WWC1: variants seen among roughly 807,000 people sequenced by gnomAD.
The protein encoded by WWC1 is protein KIBRA.
A neutral mutation model predicts 138.4 loss-of-function variants in WWC1; 55 were observed. The observed-to-expected ratio is 0.40, with a 90% CI of 0.32 to 0.50. WWC1 has a LOEUF of 0.50. Among genes scored for constraint, WWC1 ranks in the 20% least tolerant of loss-of-function variants. WWC1 has a pLI of 0.72. For missense variants in WWC1, 1,226 were observed against 1,420.4 expected, an observed-to-expected ratio of 0.86 and a Z score of 2.20; for synonymous variants, 524 against 564.9, an observed-to-expected ratio of 0.93 and a Z score of 1.03.
Position 168,299,824 on chromosome 5 carries a change from G to A in WWC1, c.119+7553G>A, listed in dbSNP as rs114304064. Reference sequence around the variant, plus strand: ...CCTCAGTGGCAGAAGCCTTGATCAGGCTTCAGTGGCACTTGCAGGGAATGC... The same window carrying A: ...CCTCAGTGGCAGAAGCCTTGATCAGACTTCAGTGGCACTTGCAGGGAATGC... On this transcript the variant is annotated intron_variant, in intron 1 of 22. Coordinates refer to ENST00000265293, the MANE Select transcript of WWC1 (RefSeq NM_015238.3). Among the ~76,000 whole-genome samples, 886 of 152,336 alleles carry A rather than the reference G, an allele frequency of 5.8e-3. 11 individuals carry two copies. Among genetic ancestry groups the A allele is most frequent in the African/African-American group, 0.021 (862 of 41,572 alleles).
chr5:168,358,324 G>T (rs1582026374), intron 1 of WWC1, among the ~76,000 whole-genome samples: 1 of 152,300 alleles, frequency 6.6e-6, no homozygotes, highest in African/African-American at 2.4e-5. Context: ...AATGAGGATG[G>T]GCAAGGAGAG....
chr5:168,372,907 G>A (rs563456010), intron 2 of WWC1, among the ~76,000 whole-genome samples: 1 of 152,322 alleles, frequency 6.6e-6, no homozygotes, highest in African/African-American at 2.4e-5. Context: ...AACTTAACCT[G>A]TGCTAAATAG....
intron 1 of WWC1, among the ~76,000 whole-genome samples, chr5:168,325,696 T>C (rs1772472244): frequency 6.6e-6 from 1 of 152,168 alleles, no homozygotes; most frequent in African/African-American, 2.4e-5. Flanking sequence ...ATCTTAACCA[T>C]TTTCAACGGT....
chr5:168,445,003 A>G (rs1435513854), intron 17 of WWC1, among the ~76,000 whole-genome samples: 1 of 152,164 alleles, frequency 6.6e-6, no homozygotes, highest in Non-Finnish European at 1.5e-5. Flanking sequence ...ATAAATTAGA[A>G]GTTTACTTCT....
At chr5:168,337,086 A>T (rs913924961) in intron 1 of WWC1, among the ~76,000 whole-genome samples, 3 of 152,126 alleles carry the variant, frequency 2.0e-5, no homozygotes, top group African/African-American at 7.2e-5. Context: ...ACATCCTAAG[A>T]AAAAGGAACC....
chr5:168,450,164 G>C (rs955504343), intron 17 of WWC1, among the ~76,000 whole-genome samples: 1 of 152,172 alleles, frequency 6.6e-6, no homozygotes, highest in Non-Finnish European at 1.5e-5. Flanking sequence ...GGGCAGTTCT[G>C]TATGTCTTTC....
intron 15 of WWC1, among the ~76,000 whole-genome samples, chr5:168,440,327 G>A (rs895479350): frequency 6.6e-6 from 1 of 152,184 alleles, no homozygotes; most frequent in Admixed American, 6.5e-5. Flanking sequence ...TGAAGATGTA[G>A]AGAAATTGGA....
rs56241406 is a variant in WWC1 at position 168,396,996 on chromosome 5, A to C, written c.434-728A>C. The stretch of plus-strand genomic sequence containing the variant: ...GTAAAGCATATGTTTATTGTTTTTA[A>C]AAAAAGAAAAGATAAAAATATAAAG... On this transcript the variant is annotated intron_variant, in intron 3 of 22. Transcript: ENST00000265293. 3.0e-3 allele frequency among the ~76,000 whole-genome samples: 455 copies of C among 152,208 alleles called. 4 individuals carry two copies. Among genetic ancestry groups the C allele is most frequent in the African/African-American group, 0.01 (428 of 41,528 alleles).
chr5:168,327,419 T>A (rs1324686325), intron 1 of WWC1, among the ~76,000 whole-genome samples: 1 of 152,240 alleles, frequency 6.6e-6, no homozygotes, highest in Non-Finnish European at 1.5e-5. Context: ...ATGGAAAGGA[T>A]CTTACTTTTT....
In WWC1 at chr5:168,470,118, C is replaced by G. The variant is rs946855216; in HGVS notation, c.*1101C>G. On this transcript the variant is annotated 3_prime_UTR_variant, in exon 23 of 23. Coordinates refer to ENST00000265293, the MANE Select transcript of WWC1 (RefSeq NM_015238.3). ...TTGTGCTTCATGCTGCTCCTGTGGC[C>G]CCTATTCCTACCCAGCTCAGAGCTT... 2.0e-5 allele frequency: 3 copies of G among 152,150 alleles called. No homozygotes were observed. The highest frequency in any genetic ancestry group is 2.9e-5 in the Non-Finnish European group (2 of 68,094). The allele number at this position is 152,150 out of a possible 1,614,324, so 9.4% of individuals were successfully genotyped here. A position where few individuals can be genotyped will look rare whatever the true frequency, so the allele number is the denominator to read the frequency against.
At chr5:168,328,181 C>T (rs1772719749) in intron 1 of WWC1, among the ~76,000 whole-genome samples, 1 of 152,204 alleles carries the variant, frequency 6.6e-6, no homozygotes, top group African/African-American at 2.4e-5. Context: ...GGAGCATTAA[C>T]TAGTCTCAGT....
intron 1 of WWC1, among the ~76,000 whole-genome samples, chr5:168,323,502 A>G (rs1772291318): frequency 6.6e-6 from 1 of 152,016 alleles, no homozygotes; most frequent in Non-Finnish European, 1.5e-5. Flanking sequence ...AGCTATGATT[A>G]TGCCACTGTA....
At chr5:168,402,081 C>G (rs529328564) in intron 5 of WWC1, among the ~76,000 whole-genome samples, 1 of 152,204 alleles carries the variant, frequency 6.6e-6, no homozygotes, top group Non-Finnish European at 1.5e-5. Context: ...ACCACTTTGT[C>G]ACCCTGTAGC....
At chr5:168,373,263 T>A (rs1022724923) in intron 2 of WWC1, among the ~76,000 whole-genome samples, 5 of 152,112 alleles carry the variant, frequency 3.3e-5, no homozygotes, top group African/African-American at 1.2e-4. Flanking sequence ...AAGGTGCTTC[T>A]GGGAGCTGTT....
intron 9 of WWC1, among the ~76,000 whole-genome samples, chr5:168,421,628 GAGA>G (rs1781094920): frequency 6.6e-6 from 1 of 152,210 alleles, no homozygotes; most frequent in Non-Finnish European, 1.5e-5. Flanking sequence ...GAGGAAGGAA[GAGA>G]AGGAGGGTAT....
chr5:168,393,084 C>T lies in WWC1; in HGVS notation c.434-4640C>T, dbSNP rs1231758915. 2.0e-5 allele frequency among the ~76,000 whole-genome samples: 3 copies of T among 151,590 alleles called. No individual in the cohort carries two copies. In the South Asian group the frequency reaches 6.2e-4, roughly 32 times the overall value. On this transcript the variant is annotated intron_variant, in intron 3 of 22. Transcript: ENST00000265293. Reference sequence around the variant, plus strand: ...AAAATGGAGGAAACCTTCTAAAAATCAGAGCAAAAATACAAGATTGAAAAT... The same window carrying T: ...AAAATGGAGGAAACCTTCTAAAAATTAGAGCAAAAATACAAGATTGAAAAT...
intron 1 of WWC1, among the ~76,000 whole-genome samples, chr5:168,310,912 G>C (rs1169385833): frequency 1.3e-5 from 2 of 151,910 alleles, no homozygotes; most frequent in South Asian, 4.2e-4. Context: ...AAGAAATAAG[G>C]TTGTTCTCTT....
intron 1 of WWC1, among the ~76,000 whole-genome samples, chr5:168,351,715 C>T (rs1033523068): frequency 6.6e-5 from 10 of 152,116 alleles, no homozygotes; most frequent in African/African-American, 1.4e-4. Context: ...AAAGAGGAAA[C>T]GAGAAAGACC....
intron 9 of WWC1, 54 bp downstream of exon 9, chr5:168,414,644 C>T: frequency 6.7e-7 from 1 of 1,496,066 alleles, no homozygotes; most frequent in Non-Finnish European, 8.9e-7. Context: ...GCAGTCTGTC[C>T]TCAGCCCCCA....
Sources: allele counts gnomAD v4.1 joint callset (sites outside exome capture counted in the v4.1 genomes callset), GRCh38; gene constraint gnomAD v4.1.1; transcripts MANE v1.5; gene names NCBI Gene and HGNC (gene_info 2026-07-23, HGNC 2026-07-21).